The following ZNF506 variants were observed in gnomAD, a reference collection of about 807,000 sequenced individuals.
The protein encoded by ZNF506 is zinc finger protein 506.
ZNF506 carries 10 observed loss-of-function variants against 11.6 expected under a neutral mutation model. That is an observed-to-expected ratio of 0.86 (90% CI 0.53 to 1.46). The LOEUF is 1.46. Among genes scored for constraint, ZNF506 ranks in the 40% most tolerant of loss-of-function variants. ZNF506 has a pLI of 0.00. For synonymous variants in ZNF506, 156 were observed against 173.3 expected, an observed-to-expected ratio of 0.90 and a Z score of 0.78; for missense variants, 425 against 521.2, an observed-to-expected ratio of 0.82 and a Z score of 1.80.
In ZNF506 at chr19:19,798,212, TA is replaced by T. The variant is rs1225277935; in HGVS notation, c.227-2553del. On this transcript the variant is annotated intron_variant, in intron 3 of 3. Coordinates refer to ENST00000540806, the MANE Select transcript of ZNF506 (RefSeq NM_001099269.3). ...TAATGAATAGACAACATAAAAAATA[TA>T]ATTAGTAAAATCAATAACAAATGTG... The T allele has an allele frequency of 2.0e-5, 3 of 152,174 alleles. No homozygotes were observed. In the East Asian group the frequency reaches 5.8e-4, roughly 29 times the overall value. 9.4% of individuals were successfully genotyped at this position (152,174 alleles called of 1,614,324 possible). A position where few individuals can be genotyped will look rare whatever the true frequency, so the allele number is the denominator to read the frequency against.
At chr19:19,802,742 T>C (rs926579739) in intron 3 of ZNF506, among the ~76,000 whole-genome samples, 1 of 152,214 alleles carries the variant, frequency 6.6e-6, no homozygotes, top group Admixed American at 6.5e-5. Flanking sequence ...TCTAAAATTA[T>C]GACAAATTTG....
At chr19:19,797,728 A>T (rs1363734159) in intron 3 of ZNF506, 2 of 152,168 alleles carry the variant, frequency 1.3e-5, no homozygotes, top group Non-Finnish European at 2.9e-5. Context: ...CACAGATAAG[A>T]AGAGAATTTT....
At chr19:19,810,288 C>T (rs2062873885) in intron 1 of ZNF506, among the ~76,000 whole-genome samples, 1 of 152,158 alleles carries the variant, frequency 6.6e-6, no homozygotes, top group East Asian at 1.9e-4. Flanking sequence ...CCATCTCCAT[C>T]CTAAAGTTTT....
In ZNF506 at chr19:19,793,323, AT is replaced by A. The variant is rs1234028549; in HGVS notation, c.*1228del. Among the ~76,000 whole-genome samples the A allele has an allele frequency of 1.3e-5, 2 of 152,138 alleles. No homozygotes were observed. The highest frequency in any genetic ancestry group is 3.4e-3 in the Middle Eastern group (1 of 294). On this transcript the variant is annotated 3_prime_UTR_variant, in exon 4 of 4. Transcript: ENST00000540806. Reference sequence around the variant, plus strand: ...ACGTAAAATCAATTTTGAATTAAATATTTTTTTCATATTTACATCTGCAAAA... The same window carrying A: ...ACGTAAAATCAATTTTGAATTAAATATTTTTTCATATTTACATCTGCAAAA...
chr19:19,821,700 C>A lies in ZNF506; in HGVS notation c.-97G>T. 2 of 1,481,874 alleles carry A rather than the reference C, an allele frequency of 1.3e-6. No individual in the cohort carries two copies. The highest frequency in any genetic ancestry group is 1.1e-5 in the South Asian group (1 of 88,366). 91.8% of individuals were successfully genotyped at this position (1,481,874 alleles called of 1,614,324 possible). A position where few individuals can be genotyped will look rare whatever the true frequency, so the allele number is the denominator to read the frequency against. ...AGGCTGGGCCTCTAGGAGCTGACGG[C>A]ACAGAGCAGTGAAGACGATAGCTGG... is the stretch of plus-strand genomic sequence containing the variant. On this transcript the variant is annotated 5_prime_UTR_variant, in exon 1 of 4. Transcript: ENST00000540806.
chr19:19,802,519 C>T (rs551818274), intron 3 of ZNF506, among the ~76,000 whole-genome samples: 83 of 151,674 alleles, frequency 5.5e-4, no homozygotes, highest in African/African-American at 1.9e-3. Flanking sequence ...AGGGTTAGAC[C>T]CTCTGATATG....
chr19:19,809,088 C>T (rs528981803), intron 1 of ZNF506, among the ~76,000 whole-genome samples: 46 of 152,288 alleles, frequency 3.0e-4, no homozygotes, highest in Non-Finnish European at 5.7e-4. Context: ...CTCAACATTA[C>T]ATGTTCTCCA....
chr19:19,817,161 G>A (rs926145869), intron 1 of ZNF506, among the ~76,000 whole-genome samples: 7 of 152,046 alleles, frequency 4.6e-5, no homozygotes, highest in African/African-American at 1.4e-4. Flanking sequence ...CCTGAACTTT[G>A]AGCTACCCTC....
intron 3 of ZNF506, among the ~76,000 whole-genome samples, chr19:19,803,470 A>C (rs1458400223): frequency 6.6e-6 from 1 of 152,204 alleles, no homozygotes; most frequent in Non-Finnish European, 1.5e-5. Context: ...TACAACGCCC[A>C]CCATATGCAG....
intron 1 of ZNF506, among the ~76,000 whole-genome samples, chr19:19,809,547 C>A (rs1050084194): frequency 1.3e-5 from 2 of 152,162 alleles, no homozygotes; most frequent in Admixed American, 6.5e-5. Context: ...TGAGAATATG[C>A]TTTAAAGGTG....
At chr19:19,814,247 A>G (rs1436560748) in intron 1 of ZNF506, among the ~76,000 whole-genome samples, 1 of 151,962 alleles carries the variant, frequency 6.6e-6, no homozygotes, top group Admixed American at 6.6e-5. Flanking sequence ...CGTATCTACT[A>G]AAGATACAAA....
chr19:19,819,659 T>C (rs1386911870), intron 1 of ZNF506, among the ~76,000 whole-genome samples: 1 of 152,126 alleles, frequency 6.6e-6, no homozygotes, highest in Non-Finnish European at 1.5e-5. Context: ...AAACATTCGG[T>C]AAGTTCTCTG....
At position 19,794,929 on chromosome 19, in the gene ZNF506, T is replaced by C; in HGVS notation, c.958A>G (p.Lys320Glu). 6.2e-7 allele frequency: 1 copy of C among 1,614,030 alleles called. No individual in the cohort carries two copies. The highest frequency in any genetic ancestry group is 8.5e-7 in the Non-Finnish European group (1 of 1,180,012). The change falls in exon 4 of 4, where the codon AAA (lysine) becomes GAA (glutamate). Residue 320 changes from lysine (K) to glutamate (E), a missense_variant. By Grantham distance (56) the Lys-to-Glu change is moderately conservative. Transcript: ENST00000540806. ...EKPYKCEECG[K>E]AFNRSSNLTK... ...AGGTTTGAGGAACGGTTAAAAGCTTTGCCACATTCCTCACATTTGTAGGGT... is the reference window on the plus strand; with the variant it reads ...AGGTTTGAGGAACGGTTAAAAGCTTCGCCACATTCCTCACATTTGTAGGGT...
chr19:19,797,788 G>A (rs906800831), intron 3 of ZNF506: 12 of 152,228 alleles, frequency 7.9e-5, no homozygotes, highest in African/African-American at 2.6e-4. Flanking sequence ...AGTCTTATGA[G>A]ATAACCAATA....
intron 1 of ZNF506, among the ~76,000 whole-genome samples, chr19:19,814,620 A>G (rs895703001): frequency 3.3e-5 from 5 of 152,012 alleles, no homozygotes; most frequent in African/African-American, 1.2e-4. Flanking sequence ...GTGACAAAGT[A>G]ATCTGCACAC....
intron 1 of ZNF506, among the ~76,000 whole-genome samples, chr19:19,815,687 GA>G (rs1432976419): frequency 6.6e-6 from 1 of 152,166 alleles, no homozygotes; most frequent in Non-Finnish European, 1.5e-5. Context: ...AGTCATCGTA[GA>G]CCCTGATTCA....
At chr19:19,815,361 G>C (rs1212791608) in intron 1 of ZNF506, among the ~76,000 whole-genome samples, 1 of 152,210 alleles carries the variant, frequency 6.6e-6, no homozygotes, top group Non-Finnish European at 1.5e-5. Context: ...AATGTCTAGT[G>C]TGTGTGTTCG....
intron 1 of ZNF506, among the ~76,000 whole-genome samples, chr19:19,817,226 T>C (rs1189489959): frequency 6.6e-6 from 1 of 152,172 alleles, no homozygotes; most frequent in African/African-American, 2.4e-5. Flanking sequence ...CATGCTGATT[T>C]CAGTGTAAAA....
intron 1 of ZNF506, among the ~76,000 whole-genome samples, chr19:19,810,699 G>A (rs1371651874): frequency 1.3e-5 from 2 of 152,116 alleles, no homozygotes; most frequent in East Asian, 3.8e-4. Context: ...TGGATCTGCA[G>A]GAATAGAAAA....
Sources: allele counts gnomAD v4.1 joint callset (sites outside exome capture counted in the v4.1 genomes callset), GRCh38; gene constraint gnomAD v4.1.1; transcripts MANE v1.5; gene names NCBI Gene and HGNC (gene_info 2026-07-23, HGNC 2026-07-21).